The following TSHR variants were observed in gnomAD, a reference collection of about 807,000 sequenced individuals.
TSHR encodes thyrotropin receptor.
A neutral mutation model predicts 64.1 loss-of-function variants in TSHR; 51 were observed. That is an observed-to-expected ratio of 0.80 (90% CI 0.64 to 1.01). TSHR has a LOEUF of 1.01. TSHR is among the 50% of genes least tolerant of loss of function. TSHR has a pLI of 0.00. For synonymous variants in TSHR, 361 were observed against 361.9 expected, an observed-to-expected ratio of 1.00 and a Z score of 0.03; for missense variants, 877 against 942.8, an observed-to-expected ratio of 0.93 and a Z score of 0.91.
chr14:81,142,067 G>A lies in TSHR; in HGVS notation c.882-873G>A, dbSNP rs989687529. Among the ~76,000 whole-genome samples the A allele has an allele frequency of 2.0e-5, 3 of 152,076 alleles. No individual in the cohort carries two copies. The South Asian group carries it at 6.2e-4, about 32-fold the overall frequency. On this transcript the variant is annotated intron_variant, in intron 9 of 9. Transcript: ENST00000298171. ...AATTGAGCCAGGTTCCCACCAAGGCGACTGGCTCCAGCATCCACATTTTTT... is the reference window on the plus strand; with the variant it reads ...AATTGAGCCAGGTTCCCACCAAGGCAACTGGCTCCAGCATCCACATTTTTT...
intron 7 of TSHR, among the ~76,000 whole-genome samples, chr14:81,102,224 G>C (rs1032141015): frequency 6.6e-6 from 1 of 151,200 alleles, no homozygotes; most frequent in Admixed American, 6.6e-5. Context: ...AATATTATTA[G>C]AGGATCTGCT....
chr14:81,064,185 A>G (rs971870885), intron 2 of TSHR, among the ~76,000 whole-genome samples: 16 of 152,160 alleles, frequency 1.1e-4, no homozygotes, highest in African/African-American at 3.9e-4. Context: ...GGCTGTAGGC[A>G]GGAAGCTAGT....
intron 1 of TSHR, among the ~76,000 whole-genome samples, chr14:81,055,126 A>G (rs553586275): frequency 1.0e-3 from 152 of 152,262 alleles, no homozygotes; most frequent in Non-Finnish European, 2.0e-3. Context: ...CAGCTGCTCC[A>G]GCTGTGACTA....
At chr14:81,130,601 T>G (rs1489239439) in intron 8 of TSHR, among the ~76,000 whole-genome samples, 1 of 152,208 alleles carries the variant, frequency 6.6e-6, no homozygotes, top group Non-Finnish European at 1.5e-5. Context: ...ATTCACTTCC[T>G]TGGTGATCTT....
At chr14:81,082,734 T>C (rs1462777761) in intron 3 of TSHR, among the ~76,000 whole-genome samples, 1 of 152,216 alleles carries the variant, frequency 6.6e-6, no homozygotes, top group Non-Finnish European at 1.5e-5. Context: ...TAACAATAAA[T>C]TGGCTGTGGC....
At chr14:81,044,583 GGGAGGCGGAGGT>G (rs1885078126) in intron 1 of TSHR, among the ~76,000 whole-genome samples, 1 of 151,668 alleles carries the variant, frequency 6.6e-6, no homozygotes, top group African/African-American at 2.4e-5. Context: ...GCTTGAACCT[GGGAGGCGGAGGT>G]TGCAGTGAGC....
At chr14:81,038,703 G>T (rs987804138) in intron 1 of TSHR, among the ~76,000 whole-genome samples, 1 of 149,234 alleles carries the variant, frequency 6.7e-6, no homozygotes, top group Non-Finnish European at 1.5e-5. Context: ...ATTATGTTGT[G>T]CACATGTACC....
chr14:81,061,262 C>G (rs1886214019), intron 1 of TSHR, among the ~76,000 whole-genome samples: 1 of 152,082 alleles, frequency 6.6e-6, no homozygotes, highest in South Asian at 2.1e-4. Context: ...TGATAGCATT[C>G]CAAGGCATTT....
intron 1 of TSHR, among the ~76,000 whole-genome samples, chr14:80,963,794 CAG>C (rs1887159521): frequency 1.3e-5 from 2 of 152,186 alleles, no homozygotes; most frequent in Admixed American, 1.3e-4. Flanking sequence ...TGACCTGACT[CAG>C]GGGAGAAGGG....
At chr14:81,028,057 G>GT (rs1884161418) in intron 1 of TSHR, among the ~76,000 whole-genome samples, 2 of 152,120 alleles carry the variant, frequency 1.3e-5, no homozygotes, top group African/African-American at 4.8e-5. Context: ...ATCATTCATA[G>GT]TGAGAAATTA....
At chr14:81,077,200 T>C (rs924374542) in intron 3 of TSHR, among the ~76,000 whole-genome samples, 4 of 152,214 alleles carry the variant, frequency 2.6e-5, no homozygotes, top group Non-Finnish European at 5.9e-5. Context: ...AGTATGACAA[T>C]GCAGATGTTT....
chr14:81,046,357 C>A (rs1189432192), intron 1 of TSHR, among the ~76,000 whole-genome samples: 1 of 151,552 alleles, frequency 6.6e-6, no homozygotes, highest in East Asian at 1.9e-4. Context: ...ATAAAGAAGA[C>A]CTGAAAGGAA....
chr14:81,011,563 T>C (rs1412343467), intron 1 of TSHR, among the ~76,000 whole-genome samples: 1 of 152,136 alleles, frequency 6.6e-6, no homozygotes, highest in Non-Finnish European at 1.5e-5. Context: ...CTCTTTTCTT[T>C]TGCTTGACCA....
At chr14:81,029,722 T>C (rs1884253315) in intron 1 of TSHR, among the ~76,000 whole-genome samples, 1 of 152,188 alleles carries the variant, frequency 6.6e-6, no homozygotes, top group East Asian at 1.9e-4. Flanking sequence ...TCAAAGCATT[T>C]GACATTTTTT....
Position 81,142,925 on chromosome 14 carries a change from T to C in TSHR, c.882-15T>C. On this transcript the variant is annotated splice_polypyrimidine_tract_variant and intron_variant, in intron 9 of 9. Coordinates refer to ENST00000298171, the MANE Select transcript of TSHR (RefSeq NM_000369.5). ...GCGCCCAGCCTGGCACTGACTCTTT[T>C]CTGTTGCCTTGCAGAATCCTTGAGT... The C allele has an allele frequency of 6.2e-7, 1 of 1,613,688 alleles. No homozygotes were observed. Among genetic ancestry groups the C allele is most frequent in the Non-Finnish European group, 8.5e-7 (1 of 1,179,686 alleles).
chr14:80,995,498 T>TA (rs1325385277), intron 1 of TSHR: 1 of 152,066 alleles, frequency 6.6e-6, no homozygotes, highest in Non-Finnish European at 1.5e-5. Flanking sequence ...TATGCAGCCA[T>TA]AAAAAAGAAT....
chr14:81,109,086 A>C, intron 8 of TSHR: 121 of 812,354 alleles, frequency 1.5e-4, no homozygotes, highest in Non-Finnish European at 1.8e-4. Flanking sequence ...TTAGAATCTC[A>C]TCATTGAGCA....
intron 8 of TSHR, among the ~76,000 whole-genome samples, chr14:81,130,422 T>G (rs1363745392): frequency 6.6e-6 from 1 of 152,222 alleles, no homozygotes; most frequent in Non-Finnish European, 1.5e-5. Flanking sequence ...CTCCTTGGAA[T>G]GTATTCTTCT....
chr14:81,143,644 T>C lies in TSHR; in HGVS notation c.1586T>C (p.Leu529Pro), dbSNP rs2140111789. ...TATGCCATCACCTTCGCCATGCGCC[T>C]GGACCGGAAGATCCGCCTCAGGCAC... ...RWYAITFAMR[L>P]DRKIRLRHAC... Residue 529 changes from leucine to proline, a missense_variant, in exon 10 of 10, where the codon CTG becomes CCG. Transcript: ENST00000298171. The C allele has an allele frequency of 6.2e-7, 1 of 1,614,164 alleles. No homozygotes were observed. The highest frequency in any genetic ancestry group is 1.3e-5 in the African/African-American group (1 of 75,062).
Sources: gnomAD v4.1 joint callset for allele counts (sites outside exome capture counted in the v4.1 genomes callset) on GRCh38, gnomAD v4.1.1 for gene constraint, MANE v1.5 for transcripts, NCBI Gene and HGNC (gene_info 2026-07-23, HGNC 2026-07-21) for gene names.